The following CAST variants were observed in gnomAD, a reference collection of about 807,000 sequenced individuals.
CAST encodes the protein MIR583 host.
A neutral mutation model predicts 119.6 loss-of-function variants in CAST; 76 were observed. The observed-to-expected ratio is 0.64, with a 90% confidence interval of 0.53 to 0.77. The LOEUF is 0.77. Ranked by LOEUF, CAST falls within the 30% of genes least tolerant of loss-of-function variation. CAST has a pLI of 0.00. For synonymous variants in CAST, 319 were observed against 331.6 expected, an observed-to-expected ratio of 0.96 and a Z score of 0.41; for missense variants, 953 against 946.5, an observed-to-expected ratio of 1.01 and a Z score of -0.09.
intron 25 of CAST, among the ~76,000 whole-genome samples, chr5:96,763,406 G>A (rs1480089087): frequency 6.6e-6 from 1 of 152,186 alleles, no homozygotes; most frequent in Non-Finnish European, 1.5e-5. Flanking sequence ...AATGAAGAAA[G>A]TCCCCATGCA....
At chr5:96,448,014 TAAA>T in the CAST span, among the ~76,000 whole-genome samples, 1 of 140,616 alleles carries the variant, frequency 7.1e-6, no homozygotes, top group Non-Finnish European at 1.6e-5. Context: ...TCTCATATGT[TAAA>T]AAAAAAAAAA....
chr5:96,430,877 A>G, the CAST span, among the ~76,000 whole-genome samples: 5 of 152,188 alleles, frequency 3.3e-5, no homozygotes, highest in East Asian at 5.8e-4. Context: ...AGATCCTCCC[A>G]AGAATGATGA....
At chr5:96,279,850 C>T in the CAST span, among the ~76,000 whole-genome samples, 1 of 152,240 alleles carries the variant, frequency 6.6e-6, no homozygotes, top group Admixed American at 6.5e-5. Context: ...GGAGTTCATC[C>T]AAGTTCAGTG....
At chr5:96,373,075 A>G in the CAST span, among the ~76,000 whole-genome samples, 4 of 152,314 alleles carry the variant, frequency 2.6e-5, no homozygotes, top group East Asian at 5.8e-4. Context: ...TCAAGCATGC[A>G]TATTTTTTCT....
chr5:96,230,853 C>A, the CAST span, among the ~76,000 whole-genome samples: 1 of 152,024 alleles, frequency 6.6e-6, no homozygotes, highest in Admixed American at 6.6e-5. Flanking sequence ...ATTTCTTTAA[C>A]GAAGATTTAC....
chr5:96,554,955 G>A (rs1249904739), intron 1 of CAST, among the ~76,000 whole-genome samples: 1 of 152,196 alleles, frequency 6.6e-6, no homozygotes, highest in African/African-American at 2.4e-5. Flanking sequence ...ACTGTTGGTG[G>A]AAGTGTAAAT....
intron 1 of CAST, among the ~76,000 whole-genome samples, chr5:96,587,608 T>C (rs1056322857): frequency 5.3e-5 from 8 of 152,168 alleles, no homozygotes; most frequent in African/African-American, 1.9e-4. Flanking sequence ...AGGAAATGGG[T>C]AACCAATAAG....
At chr5:96,456,831 T>A in the CAST span, among the ~76,000 whole-genome samples, 1 of 152,162 alleles carries the variant, frequency 6.6e-6, no homozygotes, top group South Asian at 2.1e-4. Flanking sequence ...ATCATGGGGG[T>A]AGTTCCCCCA....
At chr5:96,194,216 AC>A in the CAST span, among the ~76,000 whole-genome samples, 1 of 152,186 alleles carries the variant, frequency 6.6e-6, no homozygotes, top group South Asian at 2.1e-4. Flanking sequence ...TAGAAGAGAC[AC>A]ACTGAGTAAA....
rs1471739222 is a variant in CAST at position 96,616,724 on chromosome 5, C to CGCTT, written c.61-58812_61-58811insTGCT. Among the ~76,000 whole-genome samples the CGCTT allele has an allele frequency of 2.9e-5, 4 of 139,580 alleles. No homozygotes were observed. In the Admixed American group the frequency reaches 3.0e-4, roughly 10 times the overall value. 91.6% of individuals were successfully genotyped at this position (139,580 alleles called of 152,430 possible). A position where few individuals can be genotyped will look rare whatever the true frequency, so the allele number is the denominator to read the frequency against. On this transcript the variant is annotated intron_variant, in intron 1 of 11. Coordinates refer to the CAST transcript ENST00000505143. ...TGTGGCCTCTTAGACACCAAGCGCT[C>CGCTT]GCTCGCTCTCTCTCTCTCTCTATAT...
At chr5:96,767,150 T>C (rs1408398506) in intron 27 of CAST, among the ~76,000 whole-genome samples, 1 of 152,228 alleles carries the variant, frequency 6.6e-6, no homozygotes, top group Non-Finnish European at 1.5e-5. Context: ...TTAAGTAGAA[T>C]TATAAGTGAT....
chr5:95,980,147 A>C, the CAST span, among the ~76,000 whole-genome samples: 1 of 152,168 alleles, frequency 6.6e-6, no homozygotes, highest in Admixed American at 6.5e-5. Context: ...ACAAACAGCA[A>C]AAAAATAAAA....
chr5:96,102,379 C>T, the CAST span, among the ~76,000 whole-genome samples: 4 of 152,156 alleles, frequency 2.6e-5, no homozygotes, highest in African/African-American at 9.7e-5. Context: ...GTCCAGCCGT[C>T]CCTCTGAAGT....
intron 29 of CAST, chr5:96,769,305 T>TTTA (rs1426695478): frequency 6.6e-6 from 1 of 152,200 alleles, no homozygotes; most frequent in Non-Finnish European, 1.5e-5. Flanking sequence ...GTGAATGGAC[T>TTTA]TTATTTTTAT....
chr5:95,966,237 AT>A, the CAST span, among the ~76,000 whole-genome samples: 34 of 152,216 alleles, frequency 2.2e-4, no homozygotes, highest in South Asian at 6.2e-4. Context: ...AGTGGCACTG[AT>A]GGGGATTATG....
the CAST span, among the ~76,000 whole-genome samples, chr5:96,321,031 G>A: frequency 6.6e-6 from 1 of 152,130 alleles, no homozygotes; most frequent in Non-Finnish European, 1.5e-5. Context: ...GCAGCAGCAG[G>A]TCCTCATCCT....
intron 1 of CAST, among the ~76,000 whole-genome samples, chr5:96,559,230 G>A (rs1746307101): frequency 6.6e-6 from 1 of 152,102 alleles, no homozygotes. Context: ...AGCTGTCTAT[G>A]ACAAACCCAC....
At chr5:96,216,363 G>A in the CAST span, among the ~76,000 whole-genome samples, 6,372 of 152,158 alleles carry the variant, frequency 0.042, 483 homozygotes, top group African/African-American at 0.15. Context: ...AACCTCACAC[G>A]GGTAAGTAAT....
chr5:96,414,349 G>A, the CAST span, among the ~76,000 whole-genome samples: 2 of 152,038 alleles, frequency 1.3e-5, no homozygotes, highest in African/African-American at 4.8e-5. Flanking sequence ...TTTGAGGTGG[G>A]TGCCGTAATT....
Sources: allele counts gnomAD v4.1 joint callset (sites outside exome capture counted in the v4.1 genomes callset), GRCh38; gene constraint gnomAD v4.1.1; transcripts MANE v1.5; gene names NCBI Gene and HGNC (gene_info 2026-07-23, HGNC 2026-07-21).